Variants in MLPH observed in about 807,000 individuals in gnomAD.
MLPH encodes melanophilin, also known as exophilin-3.
Under a neutral mutation model 72.1 loss-of-function variants are expected in MLPH, and 51 were observed. The ratio of observed to expected loss-of-function variants is 0.71; its 90% CI spans 0.56 to 0.89. MLPH has a LOEUF of 0.89. Among genes scored for constraint, MLPH ranks in the 40% least tolerant of loss-of-function variants. The pLI is 0.00. For synonymous variants in MLPH, 301 were observed against 310.1 expected (o/e 0.97, Z 0.31); for missense variants, 743 against 759.9 (o/e 0.98, Z 0.26).
At chr2:237,518,374 G>A in intron 4 of MLPH, 165 bp from the exon 5 acceptor site, 1 of 708,454 alleles carries the variant, frequency 1.4e-6, no homozygotes, top group Non-Finnish European at 2.6e-6. Flanking sequence ...TAGATGGGTA[G>A]ATGGAGGGAT....
In MLPH at chr2:237,552,375, C is replaced by T. The variant is rs1452804119; in HGVS notation, c.1714C>T (p.Arg572Ter). ...DDSFDRKSVYRGSLTQRNPNA... is the reference protein window; with the variant it reads ...DDSFDRKSVY ...TTCTTTTGATCGGAAATCAGTGTAC[C>T]GAGGCTCGCTGACACAGAGAAACCC... The change falls in exon 15 of 16, where the codon CGA becomes TGA. Residue 572 changes from arginine (R) to a stop codon, truncating the protein, a stop_gained. Transcript: ENST00000264605. LOFTEE classifies it high-confidence loss of function. 6 of 1,613,830 alleles carry T rather than the reference C, an allele frequency of 3.7e-6. No homozygotes were observed. Among genetic ancestry groups the T allele is most frequent in the African/African-American group, 1.3e-5 (1 of 74,850 alleles).
At chr2:237,493,220 A>G (rs1398538699) in intron 1 of MLPH, among the ~76,000 whole-genome samples, 183 bp from the exon 2 acceptor site, 2 of 152,246 alleles carry the variant, frequency 1.3e-5, no homozygotes, top group East Asian at 1.9e-4. Flanking sequence ...GGAATTTTGC[A>G]TAGATTCACT....
Position 237,519,987 on chromosome 2 carries a change from C to T in MLPH, c.633C>T (p.Ser211=), listed in dbSNP as rs780778910. Reference sequence around the variant, plus strand: ...ACTCCACTCAGCCTCAAGGTCACTCCCTGCACCTGTCCTCAGTCCCTGAGG... The same window carrying T: ...ACTCCACTCAGCCTCAAGGTCACTCTCTGCACCTGTCCTCAGTCCCTGAGG... ...SDDSTQPQGH[S]LHLSSVPEAR... The change falls in exon 6 of 16, where the codon TCC becomes TCT. Residue 211 remains serine (S), a synonymous_variant. Coordinates refer to ENST00000264605, the MANE Select transcript of MLPH (RefSeq NM_024101.7). 2.5e-6 allele frequency: 4 copies of T among 1,614,016 alleles called. No homozygotes were observed. Among genetic ancestry groups the T allele is most frequent in the East Asian group, 4.5e-5 (2 of 44,870 alleles).
chr2:237,541,123 T>C lies in MLPH; in HGVS notation c.1446+166T>C. On this transcript the variant is annotated intron_variant, in intron 11 of 15. Transcript: ENST00000264605. This position sits in a 1 kb window ranked among gnomAD's most constrained non-coding sequence, Gnocchi z 5.1. ...GGCCAGGCATGAACCTGGGGGTTTC[T>C]GGGGGACTCACCTAATTCGCCACCC... Among the ~76,000 whole-genome samples, 1 of 152,230 alleles carries C rather than the reference T, an allele frequency of 6.6e-6. No homozygotes were observed. Among genetic ancestry groups the C allele is most frequent in the South Asian group, 2.1e-4 (1 of 4,810 alleles).
chr2:237,505,324 T>A lies in MLPH; in HGVS notation c.111-5250T>A, dbSNP rs1424803270. Among the ~76,000 whole-genome samples, 1 of 152,050 alleles carries A rather than the reference T, an allele frequency of 6.6e-6. No individual in the cohort carries two copies. The highest frequency in any genetic ancestry group is 6.5e-5 in the Admixed American group (1 of 15,270). ...CCACATACCCACGTGCTGTGGCCTC[T>A]TCCACCAACCCCAAGCCTCTGCCAG... On this transcript the variant is annotated intron_variant, in intron 2 of 15. Transcript: ENST00000264605. This position sits in a 1 kb window ranked among gnomAD's most constrained non-coding sequence, Gnocchi z 4.5.
chr2:237,548,710 T>C (rs1364619223), intron 13 of MLPH, among the ~76,000 whole-genome samples: 1 of 151,920 alleles, frequency 6.6e-6, no homozygotes, highest in Non-Finnish European at 1.5e-5. Context: ...CTACTAAAAA[T>C]ACAGAAAAAC....
chr2:237,487,681 T>A (rs540949399), intron 1 of MLPH, among the ~76,000 whole-genome samples: 2 of 152,094 alleles, frequency 1.3e-5, no homozygotes, highest in Non-Finnish European at 2.9e-5. Context: ...CGGGTGGGAG[T>A]GGGATGGCGG....
chr2:237,547,834 C>T (rs1039131522), intron 13 of MLPH, among the ~76,000 whole-genome samples: 4 of 151,528 alleles, frequency 2.6e-5, no homozygotes, highest in Non-Finnish European at 5.9e-5. Flanking sequence ...CAGAGCCAGC[C>T]TGGGAGGGAG....
Position 237,546,531 on chromosome 2 carries a change from C to T in MLPH, c.1540-75C>T, listed in dbSNP as rs537901404. The stretch of plus-strand genomic sequence containing the variant: ...TATAGAGAGCATCCATCCTTACATC[C>T]AGCTGACCCATGCCCATGCTCCTCC... On this transcript the variant is annotated intron_variant, in intron 12 of 15. Transcript: ENST00000264605. The T allele has an allele frequency of 1.2e-4, 153 of 1,291,460 alleles. No homozygotes were observed. In the East Asian group the frequency reaches 3.5e-3, roughly 30 times the overall value. 80.0% of individuals were successfully genotyped at this position (1,291,460 alleles called of 1,614,324 possible).
At chr2:237,516,594 G>C (rs2080022978) in intron 4 of MLPH, among the ~76,000 whole-genome samples, 1 of 152,264 alleles carries the variant, frequency 6.6e-6, no homozygotes, top group Non-Finnish European at 1.5e-5. Context: ...GACATGGTCA[G>C]ACCTGTTGGT....
rs1300780358 is a variant in MLPH, at chr2:237,511,117, T to C, written c.445+16T>C. 12 of 1,597,456 alleles carry C rather than the reference T, an allele frequency of 7.5e-6. No individual in the cohort carries two copies. Among genetic ancestry groups the C allele is most frequent in the Non-Finnish European group, 9.4e-6 (11 of 1,165,396 alleles). On this transcript the variant is annotated intron_variant, in intron 4 of 15. Coordinates refer to ENST00000264605, the MANE Select transcript of MLPH (RefSeq NM_024101.7). ...CAGGGTGGAGGTAAGGAGTGGAGAG[T>C]AAGAACGGCTTTTTGTTCCCAGGCA...
intron 12 of MLPH, 121 bp from the exon 13 acceptor site, chr2:237,546,485 C>A: frequency 1.1e-6 from 1 of 872,524 alleles, no homozygotes; most frequent in Non-Finnish European, 1.9e-6. Flanking sequence ...TGTGCAGTCC[C>A]AGCATCCCCA....
intron 4 of MLPH, among the ~76,000 whole-genome samples, chr2:237,517,612 G>A (rs1367848971): frequency 6.6e-6 from 1 of 151,668 alleles, no homozygotes; most frequent in Non-Finnish European, 1.5e-5. Flanking sequence ...ATGAGTGGTG[G>A]GTGGATGGAT....
intron 12 of MLPH, chr2:237,545,427 TTTA>T (rs2080894362): frequency 7.8e-7 from 1 of 1,279,854 alleles, no homozygotes; most frequent in African/African-American, 1.5e-5. Context: ...TTCATTTTTG[TTTA>T]TTATTTGTTG....
chr2:237,495,246 A>G (rs759992146), intron 2 of MLPH, among the ~76,000 whole-genome samples: 2 of 152,212 alleles, frequency 1.3e-5, no homozygotes, highest in African/African-American at 2.4e-5. Flanking sequence ...AACTGCCCGT[A>G]TCATCCAGGA....
chr2:237,502,088 A>G (rs944498261), intron 2 of MLPH, among the ~76,000 whole-genome samples: 1 of 152,222 alleles, frequency 6.6e-6, no homozygotes, highest in African/African-American at 2.4e-5. Flanking sequence ...TGTTTGCACC[A>G]AAGTTCCATT....
Position 237,553,824 on chromosome 2 carries a change from C to A in MLPH, c.*232C>A. On this transcript the variant is annotated 3_prime_UTR_variant, in exon 16 of 16. Coordinates refer to ENST00000264605, the MANE Select transcript of MLPH (RefSeq NM_024101.7). ...TGGCTGCCCCACCATCCTCTCTGAT[C>A]TGTGAGAAACAGCTAAGCTGCTGTG... The A allele has an allele frequency of 1.4e-6, 1 of 701,860 alleles. No individual in the cohort carries two copies. Among genetic ancestry groups the A allele is most frequent in the Non-Finnish European group, 2.6e-6 (1 of 379,116 alleles). The allele number at this position is 701,860 out of a possible 1,614,324, so 43.5% of individuals were successfully genotyped here.
At chr2:237,495,525 T>C (rs73098877) in intron 2 of MLPH, among the ~76,000 whole-genome samples, 2,801 of 152,190 alleles carry the variant, frequency 0.018, 45 homozygotes, top group African/African-American at 0.047. Context: ...GAAGGAGCAG[T>C]AGAAGAGGGA....
chr2:237,519,114 T>C (rs952436412), intron 5 of MLPH, among the ~76,000 whole-genome samples: 1 of 151,716 alleles, frequency 6.6e-6, no homozygotes, highest in African/African-American at 2.4e-5. Context: ...ATGAGCCTTG[T>C]GTTTCTGTTT....
Sources: gnomAD v4.1 joint callset for allele counts (sites outside exome capture counted in the v4.1 genomes callset) on GRCh38, gnomAD v4.1.1 for gene constraint, Gnocchi (gnomAD v3.1) non-coding constraint, MANE v1.5 for transcripts, NCBI Gene and HGNC (gene_info 2026-07-23, HGNC 2026-07-21) for gene names.